SCAPER: variants seen among roughly 807,000 people sequenced by gnomAD.
SCAPER encodes S-phase cyclin A associated protein in the ER.
Under a neutral mutation model 182.2 loss-of-function variants are expected in SCAPER, and 98 were observed. That is an observed-to-expected ratio of 0.54 (90% CI 0.46 to 0.64). The LOEUF is 0.64. Among genes scored for constraint, SCAPER ranks in the 30% least tolerant of loss-of-function variants. The pLI is 0.00. For synonymous variants in SCAPER, 605 were observed against 564.6 expected (o/e 1.07, Z -1.01); for missense variants, 1,432 against 1,690.0 (o/e 0.85, Z 2.68).
intron 2 of SCAPER, among the ~76,000 whole-genome samples, chr15:76,880,085 C>T (rs1440358718): frequency 2.0e-5 from 3 of 152,130 alleles, no homozygotes; most frequent in Admixed American, 1.3e-4. Context: ...AGGTTTGCCC[C>T]GCTAAGCACA....
chr15:76,759,353 T>C (rs1043254653), intron 14 of SCAPER, among the ~76,000 whole-genome samples: 1 of 152,146 alleles, frequency 6.6e-6, no homozygotes, highest in Non-Finnish European at 1.5e-5. Context: ...ATAAGGTTCT[T>C]CTTACTAAAT....
At chr15:76,415,164 TG>T (rs1390349688) in intron 26 of SCAPER, among the ~76,000 whole-genome samples, 1 of 152,220 alleles carries the variant, frequency 6.6e-6, no homozygotes, top group Non-Finnish European at 1.5e-5. Context: ...GCAGTTTTTT[TG>T]ATGATGGGAA....
At chr15:76,641,212 G>A (rs919505169) in intron 21 of SCAPER, among the ~76,000 whole-genome samples, 5 of 152,108 alleles carry the variant, frequency 3.3e-5, no homozygotes, top group Non-Finnish European at 5.9e-5. Flanking sequence ...CATAGGTTAT[G>A]GAAAGACTGT....
chr15:76,711,409 A>G (rs959598374), intron 17 of SCAPER, among the ~76,000 whole-genome samples: 4 of 152,214 alleles, frequency 2.6e-5, no homozygotes, highest in African/African-American at 9.6e-5. Context: ...ACAGCTAATA[A>G]GCACACTGAC....
chr15:76,869,806 CCAT>C, intron 2 of SCAPER, among the ~76,000 whole-genome samples: 1 of 152,112 alleles, frequency 6.6e-6, no homozygotes, highest in Non-Finnish European at 1.5e-5. Context: ...ATCTGCACTC[CCAT>C]GTTTATTACA....
At chr15:76,444,511 G>A (rs911566518) in intron 25 of SCAPER, among the ~76,000 whole-genome samples, 3 of 152,082 alleles carry the variant, frequency 2.0e-5, no homozygotes, top group Non-Finnish European at 4.4e-5. Flanking sequence ...TGTTATTTCA[G>A]AACCATTTAT....
At chr15:76,366,121 ACT>A (rs1555413053) in intron 29 of SCAPER, among the ~76,000 whole-genome samples, 3 of 139,400 alleles carry the variant, frequency 2.2e-5, no homozygotes, top group African/African-American at 7.6e-5. Context: ...ACACACACAC[ACT>A]ACTGGAAAGA....
At chr15:76,691,606 T>A (rs979754909) in intron 20 of SCAPER, among the ~76,000 whole-genome samples, 4 of 152,242 alleles carry the variant, frequency 2.6e-5, no homozygotes, top group African/African-American at 9.6e-5. Context: ...ATTCTTGGAA[T>A]ATAAAATTGT....
At chr15:76,396,655 C>T (rs1354774483) in intron 27 of SCAPER, among the ~76,000 whole-genome samples, 1 of 152,076 alleles carries the variant, frequency 6.6e-6, no homozygotes, top group Admixed American at 6.6e-5. Flanking sequence ...GATTTCTGGA[C>T]ATTGATTTTG....
intron 23 of SCAPER, among the ~76,000 whole-genome samples, chr15:76,524,128 A>G (rs997298661): frequency 6.6e-6 from 1 of 152,156 alleles, no homozygotes; most frequent in African/African-American, 2.4e-5. Flanking sequence ...TAGCTTTGCA[A>G]GACAACATGC....
chr15:76,393,931 C>A (rs1246084816), intron 27 of SCAPER, among the ~76,000 whole-genome samples: 1 of 152,200 alleles, frequency 6.6e-6, no homozygotes, highest in African/African-American at 2.4e-5. Flanking sequence ...ATTCCAACCA[C>A]CAGCCTTCAA....
At chr15:76,356,974 C>T (rs1422515818) in intron 29 of SCAPER, among the ~76,000 whole-genome samples, 1 of 152,086 alleles carries the variant, frequency 6.6e-6, no homozygotes, top group African/African-American at 2.4e-5. Context: ...GATCAAAAGA[C>T]ATTGAAATGG....
intron 11 of SCAPER, 80 bp downstream of exon 11, chr15:76,766,838 C>T: frequency 8.6e-7 from 1 of 1,157,462 alleles, no homozygotes; most frequent in Non-Finnish European, 1.2e-6. Context: ...ACTAGATGGA[C>T]TCCAAGTCTT....
At chr15:76,608,193 T>C (rs1057473564) in intron 22 of SCAPER, among the ~76,000 whole-genome samples, 1 of 152,236 alleles carries the variant, frequency 6.6e-6, no homozygotes, top group African/African-American at 2.4e-5. Flanking sequence ...AGATGGGTTT[T>C]TGGTGTGGAT....
chr15:76,351,490 CA>C (rs1045774811), intron 30 of SCAPER, among the ~76,000 whole-genome samples: 7 of 152,146 alleles, frequency 4.6e-5, no homozygotes, highest in African/African-American at 1.7e-4. Context: ...AAATTATCAC[CA>C]GGGGACAACT....
At chr15:76,520,072 G>A (rs1249401946) in intron 23 of SCAPER, among the ~76,000 whole-genome samples, 1 of 151,946 alleles carries the variant, frequency 6.6e-6, no homozygotes, top group Admixed American at 6.6e-5. Context: ...TCCTCAAAGG[G>A]GCCTTCTCTA....
In SCAPER at chr15:76,726,156, A is replaced by ATATATATATATATATATATATATATAT. The variant is rs56986282; in HGVS notation, c.2165+2438_2165+2439insATATATATATATATATATATATATATA. On this transcript the variant is annotated intron_variant, in intron 17 of 31. Transcript: ENST00000563290. ...ATATATATATATATATATATATATA[A>ATATATATATATATATATATATATATAT]AAAACTCTATAACCCAACAAGAAAA... 1.4e-3 allele frequency among the ~76,000 whole-genome samples: 112 copies of ATATATATATATATATATATATATATAT among 79,696 alleles called. 11 individuals carry two copies. Among genetic ancestry groups the ATATATATATATATATATATATATATAT allele is most frequent in the Admixed American group, 1.8e-3 (11 of 6,232 alleles). The allele number at this position is 79,696 out of a possible 152,430, so 52.3% of individuals were successfully genotyped here. A position where few individuals can be genotyped will look rare whatever the true frequency, so the allele number is the denominator to read the frequency against.
chr15:76,572,587 C>T (rs2145346335), intron 23 of SCAPER, among the ~76,000 whole-genome samples: 1 of 152,252 alleles, frequency 6.6e-6, no homozygotes, highest in Non-Finnish European at 1.5e-5. Context: ...CCTGAGAACC[C>T]CACAATTCCA....
intron 5 of SCAPER, among the ~76,000 whole-genome samples, chr15:76,807,738 A>T (rs1436979606): frequency 7.0e-6 from 1 of 142,484 alleles, no homozygotes; most frequent in East Asian, 2.1e-4. Context: ...ATTAATTTTA[A>T]CTTCAATGTT....
Sources: gnomAD v4.1 joint callset for allele counts (sites outside exome capture counted in the v4.1 genomes callset) on GRCh38, gnomAD v4.1.1 for gene constraint, MANE v1.5 for transcripts, NCBI Gene and HGNC (gene_info 2026-07-23, HGNC 2026-07-21) for gene names.